TENM2: variants seen among roughly 807,000 people sequenced by gnomAD.
The protein encoded by TENM2 is teneurin transmembrane protein 2.
Under a neutral mutation model 245.2 loss-of-function variants are expected in TENM2, and 52 were observed. The ratio of observed to expected loss-of-function variants is 0.21; its 90% CI spans 0.17 to 0.27. The LOEUF (loss-of-function observed/expected upper bound fraction) is 0.27, where lower values mean the gene tolerates loss of function less well. Ranked by LOEUF, TENM2 falls within the 10% of genes least tolerant of loss-of-function variation. The pLI is 1.00. For synonymous variants in TENM2, 1,363 were observed against 1,438.9 expected, an observed-to-expected ratio of 0.95 and a Z score of 1.19; for missense variants, 3,046 against 3,666.8, an observed-to-expected ratio of 0.83 and a Z score of 4.37.
At chr5:167,330,672 T>A (rs927689563) in intron 1 of TENM2, among the ~76,000 whole-genome samples, 3 of 152,186 alleles carry the variant, frequency 2.0e-5, no homozygotes, top group Non-Finnish European at 4.4e-5. Context: ...AATTCCTTCA[T>A]GCTTTAGATT....
At chr5:167,430,709 T>C (rs1379316781) in intron 2 of TENM2, among the ~76,000 whole-genome samples, 1 of 152,184 alleles carries the variant, frequency 6.6e-6, no homozygotes, top group Non-Finnish European at 1.5e-5. Context: ...CTTTAGGGGT[T>C]TTGAAAAATG....
intron 2 of TENM2, among the ~76,000 whole-genome samples, chr5:167,415,857 G>A (rs145424816): frequency 6.6e-6 from 1 of 152,194 alleles, no homozygotes; most frequent in African/African-American, 2.4e-5. Flanking sequence ...AGGGCCCCTT[G>A]CATCCATTTC....
At chr5:167,959,406 A>G (rs948012811) in intron 4 of TENM2, among the ~76,000 whole-genome samples, 3 of 152,108 alleles carry the variant, frequency 2.0e-5, no homozygotes, top group Non-Finnish European at 4.4e-5. Flanking sequence ...TGTGTTAGCC[A>G]GGATGGTCTT....
chr5:167,739,351 C>G (rs1339558831), intron 2 of TENM2, among the ~76,000 whole-genome samples: 2 of 152,182 alleles, frequency 1.3e-5, no homozygotes, highest in African/African-American at 2.4e-5. Context: ...TATGGCTTCT[C>G]TGTTTGACTA....
At chr5:167,110,215 A>T in the TENM2 span, among the ~76,000 whole-genome samples, 1 of 152,294 alleles carries the variant, frequency 6.6e-6, no homozygotes, top group East Asian at 1.9e-4. Flanking sequence ...AATCTCAAAC[A>T]ATTTAAGTTT....
the TENM2 span, among the ~76,000 whole-genome samples, chr5:167,107,883 C>A: frequency 6.6e-6 from 1 of 152,194 alleles, no homozygotes; most frequent in African/African-American, 2.4e-5. Context: ...ACATCCAGTT[C>A]ACATCTGCAG....
At chr5:167,726,651 G>C (rs954743840) in intron 2 of TENM2, among the ~76,000 whole-genome samples, 5 of 152,036 alleles carry the variant, frequency 3.3e-5, no homozygotes, top group African/African-American at 1.2e-4. Flanking sequence ...TAGTGATGGG[G>C]TCTCATTATG....
At chr5:167,424,623 T>A (rs1763701787) in intron 2 of TENM2, among the ~76,000 whole-genome samples, 1 of 152,170 alleles carries the variant, frequency 6.6e-6, no homozygotes, top group Admixed American at 6.6e-5. Context: ...AACCTCTCAA[T>A]ACAATTAAAG....
the TENM2 span, among the ~76,000 whole-genome samples, chr5:167,041,831 G>C: frequency 6.6e-6 from 1 of 152,180 alleles, no homozygotes; most frequent in Non-Finnish European, 1.5e-5. Flanking sequence ...GGTCCATGCT[G>C]TGTGCTGGCC....
At chr5:167,014,163 T>A in the TENM2 span, among the ~76,000 whole-genome samples, 2 of 150,190 alleles carry the variant, frequency 1.3e-5, no homozygotes, top group East Asian at 3.9e-4. Context: ...TCTAAAATGA[T>A]CATGAGCTTT....
chr5:167,952,870 C>T, intron 4 of TENM2, 48 bp downstream of exon 6: 2 of 1,463,216 alleles, frequency 1.4e-6, no homozygotes, highest in Non-Finnish European at 1.9e-6. Context: ...TCACCTTACC[C>T]CTGAGTCACC....
At chr5:167,146,583 AC>A in the TENM2 span, among the ~76,000 whole-genome samples, 1 of 152,182 alleles carries the variant, frequency 6.6e-6, no homozygotes, top group South Asian at 2.1e-4. Context: ...AATGAGGGGA[AC>A]GATCCAACTC....
chr5:167,240,283 C>T, the TENM2 span, among the ~76,000 whole-genome samples: 1 of 151,284 alleles, frequency 6.6e-6, no homozygotes, highest in Non-Finnish European at 1.5e-5. Context: ...TCTGTTTGTC[C>T]GTGTTTATAC....
intron 2 of TENM2, among the ~76,000 whole-genome samples, chr5:167,654,785 A>G (rs975411711): frequency 6.6e-6 from 1 of 152,054 alleles, no homozygotes; most frequent in African/African-American, 2.4e-5. Context: ...ATTTTCACTC[A>G]TTTACTTATA....
intron 3 of TENM2, among the ~76,000 whole-genome samples, chr5:167,949,073 C>A (rs1351140678): frequency 6.6e-6 from 1 of 152,176 alleles, no homozygotes; most frequent in Non-Finnish European, 1.5e-5. Context: ...GTGCTTCATA[C>A]TAGAGGTACG....
In TENM2 at chr5:167,877,400, A is replaced by C. The variant is rs1192251923; in HGVS notation, c.712+1205A>C. Among the ~76,000 whole-genome samples, 4 of 152,328 alleles carry C rather than the reference A, an allele frequency of 2.6e-5. No individual in the cohort carries two copies. The East Asian group carries it at 7.7e-4, about 29-fold the overall frequency. ...TTAGTAAACTCATATTCTTTTTCAA[A>C]AAAAATTACCTAATCAAATCTCTCA... is the stretch of plus-strand genomic sequence containing the variant. On this transcript the variant is annotated intron_variant, in intron 3 of 28. Coordinates refer to ENST00000518659, the Ensembl canonical transcript of TENM2.
At chr5:167,579,988 A>C (rs1244789785) in intron 2 of TENM2, among the ~76,000 whole-genome samples, 2 of 152,232 alleles carry the variant, frequency 1.3e-5, no homozygotes, top group Non-Finnish European at 2.9e-5. Flanking sequence ...AAGCCATCGG[A>C]GGCCAAAATA....
intron 6 of TENM2, 78 bp from the exon 9 acceptor site, chr5:168,061,982 G>T: frequency 1.6e-6 from 2 of 1,287,396 alleles, no homozygotes; most frequent in South Asian, 3.0e-5. Flanking sequence ...AAAAAACCTG[G>T]CATGTAATTA....
chr5:167,063,711 G>T, the TENM2 span, among the ~76,000 whole-genome samples: 2 of 152,190 alleles, frequency 1.3e-5, no homozygotes, highest in Non-Finnish European at 2.9e-5. Context: ...TTTAAATTCA[G>T]AAGCCAAATG....
Sources: gnomAD v4.1 joint callset for allele counts (sites outside exome capture counted in the v4.1 genomes callset) on GRCh38, gnomAD v4.1.1 for gene constraint, MANE v1.5 for transcripts, NCBI Gene and HGNC (gene_info 2026-07-23, HGNC 2026-07-21) for gene names.